ZNF804B: variants seen among roughly 807,000 people sequenced by gnomAD.
The protein encoded by ZNF804B is zinc finger 804B.
ZNF804B carries 80 observed loss-of-function variants against 101.4 expected under a neutral mutation model. The observed-to-expected ratio is 0.79, with a 90% CI of 0.66 to 0.95. The LOEUF is 0.95. Ranked by LOEUF, ZNF804B falls within the 40% of genes least tolerant of loss-of-function variation. The pLI is 0.00. For missense variants in ZNF804B, 1,673 were observed against 1,561.9 expected (o/e 1.07, Z -1.20); for synonymous variants, 622 against 558.8 (o/e 1.11, Z -1.59).
intron 1 of ZNF804B, among the ~76,000 whole-genome samples, chr7:89,029,006 G>C (rs73385199): frequency 0.028 from 4,335 of 152,220 alleles, 224 homozygotes; most frequent in African/African-American, 0.099. Context: ...TTGTTTTCAA[G>C]AACTTACTAT....
intron 1 of ZNF804B, among the ~76,000 whole-genome samples, chr7:88,804,975 G>A (rs888215920): frequency 6.6e-6 from 1 of 152,210 alleles, no homozygotes; most frequent in African/African-American, 2.4e-5. Context: ...TACTAAAACA[G>A]GGAGATAATA....
chr7:89,274,055 CTG>C (rs933243012), intron 2 of ZNF804B, among the ~76,000 whole-genome samples: 43 of 152,070 alleles, frequency 2.8e-4, no homozygotes, highest in Non-Finnish European at 1.3e-4. Context: ...CACTCTTCCC[CTG>C]TGACTGATGA....
intron 2 of ZNF804B, among the ~76,000 whole-genome samples, chr7:89,227,930 A>G (rs1789120755): frequency 6.6e-6 from 1 of 152,320 alleles, no homozygotes; most frequent in South Asian, 2.1e-4. Flanking sequence ...CTTTGATAAT[A>G]TCTTCCTCTA....
At chr7:89,135,677 C>A in intron 1 of ZNF804B, among the ~76,000 whole-genome samples, 1 of 152,066 alleles carries the variant, frequency 6.6e-6, no homozygotes, top group Non-Finnish European at 1.5e-5. Flanking sequence ...AAGGTGAAAG[C>A]TTTTTATCAT....
chr7:89,132,851 C>T (rs1790574229), intron 1 of ZNF804B, among the ~76,000 whole-genome samples: 1 of 151,958 alleles, frequency 6.6e-6, no homozygotes, highest in Non-Finnish European at 1.5e-5. Context: ...ACATTTTCTT[C>T]CTTATTCCCA....
chr7:88,937,626 C>T (rs917742470), intron 1 of ZNF804B, among the ~76,000 whole-genome samples: 1 of 151,634 alleles, frequency 6.6e-6, no homozygotes, highest in Admixed American at 6.6e-5. Flanking sequence ...TAGGCAAAAG[C>T]AAGTTTCATA....
At chr7:88,804,335 T>C (rs1284776748) in intron 1 of ZNF804B, among the ~76,000 whole-genome samples, 1 of 152,156 alleles carries the variant, frequency 6.6e-6, no homozygotes, top group Non-Finnish European at 1.5e-5. Flanking sequence ...GGGTTTCTTT[T>C]TGTCTTTTCT....
chr7:88,846,132 AC>A (rs1791370041), intron 1 of ZNF804B, among the ~76,000 whole-genome samples: 1 of 152,194 alleles, frequency 6.6e-6, no homozygotes, highest in African/African-American at 2.4e-5. Context: ...TATGACATTA[AC>A]TTAATAATGC....
chr7:89,211,175 C>T (rs1459270225), intron 1 of ZNF804B, among the ~76,000 whole-genome samples: 3 of 152,132 alleles, frequency 2.0e-5, no homozygotes, highest in African/African-American at 7.2e-5. Flanking sequence ...CCTTTGCCCA[C>T]TTTTTAATAG....
chr7:89,202,877 T>C (rs997813439), intron 1 of ZNF804B, among the ~76,000 whole-genome samples: 2 of 152,172 alleles, frequency 1.3e-5, no homozygotes, highest in Admixed American at 6.5e-5. Context: ...TCTAACTTTC[T>C]ATTTTACTTT....
At chr7:88,850,464 G>A (rs1420846212) in intron 1 of ZNF804B, among the ~76,000 whole-genome samples, 1 of 152,124 alleles carries the variant, frequency 6.6e-6, no homozygotes, top group African/African-American at 2.4e-5. Context: ...AAAATCATCT[G>A]AGACTCGTGG....
intron 1 of ZNF804B, among the ~76,000 whole-genome samples, chr7:88,854,533 T>TCCTTTC (rs1791522389): frequency 1.3e-5 from 1 of 78,178 alleles, no homozygotes; most frequent in Non-Finnish European, 2.4e-5. Flanking sequence ...TTCCTTTCCT[T>TCCTTTC]CCTTCCTTCC....
chr7:88,782,102 C>T (rs73198633), intron 1 of ZNF804B, among the ~76,000 whole-genome samples: 19,256 of 142,592 alleles, frequency 0.14, 1,780 homozygotes, highest in Non-Finnish European at 0.15. Context: ...TGTGTGAGTG[C>T]GTGTGTGTGT....
rs373862067 is a variant in ZNF804B, at chr7:89,218,173, T to C, written c.127T>C (p.Ser43Pro). The change falls in exon 2 of 4, where the codon TCC becomes CCC. Residue 43 changes from serine to proline, a missense_variant. By Grantham distance (74) the Ser-to-Pro change is moderately conservative. Transcript: ENST00000333190. ...SPSPDFAEKK[S>P]TAKALEDVKA... Reference sequence around the variant, plus strand: ...CTTAAAGGATTTTGCAGAAAAGAAGTCCACAGCAAAGGCCCTGGAAGATGT... The same window carrying C: ...CTTAAAGGATTTTGCAGAAAAGAAGCCCACAGCAAAGGCCCTGGAAGATGT... The C allele has an allele frequency of 5.0e-6, 8 of 1,612,622 alleles. No homozygotes were observed. Among genetic ancestry groups the C allele is most frequent in the African/African-American group, 2.7e-5 (2 of 74,780 alleles).
At chr7:89,298,224 A>G (rs1176149404) in intron 2 of ZNF804B, among the ~76,000 whole-genome samples, 42 of 89,158 alleles carry the variant, frequency 4.7e-4, no homozygotes, top group African/African-American at 9.7e-4. Flanking sequence ...GTGTATATAT[A>G]TATATATATA....
intron 1 of ZNF804B, among the ~76,000 whole-genome samples, chr7:88,800,692 TTGTGTGTGTGTGTGTGTGTGTGTG>T (rs6150209): frequency 6.8e-6 from 1 of 146,600 alleles, no homozygotes; most frequent in African/African-American, 2.5e-5. Flanking sequence ...TAGATATGAT[TTGTGTGTGTGTGTGTGTGTGTGTG>T]TGTGTGTGTG....
intron 2 of ZNF804B, among the ~76,000 whole-genome samples, chr7:89,257,890 T>C (rs1237203873): frequency 6.6e-6 from 1 of 151,792 alleles, no homozygotes; most frequent in African/African-American, 2.4e-5. Context: ...GTAATCACTC[T>C]TTTTTTTCCA....
At chr7:88,945,480 T>C (rs1305252013) in intron 1 of ZNF804B, among the ~76,000 whole-genome samples, 5 of 152,180 alleles carry the variant, frequency 3.3e-5, no homozygotes, top group Admixed American at 3.3e-4. Context: ...CCATGCTGTT[T>C]TGTTTACTGT....
At chr7:89,200,705 A>C (rs1013155785) in intron 1 of ZNF804B, among the ~76,000 whole-genome samples, 1 of 152,058 alleles carries the variant, frequency 6.6e-6, no homozygotes, top group Non-Finnish European at 1.5e-5. Context: ...TCTAGGACTG[A>C]GGAAATCATT....
Sources: allele counts gnomAD v4.1 joint callset (sites outside exome capture counted in the v4.1 genomes callset), GRCh38; gene constraint gnomAD v4.1.1; transcripts MANE v1.5; gene names NCBI Gene and HGNC (gene_info 2026-07-23, HGNC 2026-07-21).